ZNF385D: variants seen among roughly 807,000 people sequenced by gnomAD.
ZNF385D encodes the protein zinc finger protein 385D, also known as zinc finger protein 659.
A neutral mutation model predicts 35.8 loss-of-function variants in ZNF385D; 15 were observed. That is an observed-to-expected ratio of 0.42 (90% CI 0.28 to 0.64). ZNF385D has a LOEUF of 0.64. Among genes scored for constraint, ZNF385D ranks in the 30% least tolerant of loss-of-function variants. ZNF385D has a pLI of 0.23. For missense variants in ZNF385D, 474 were observed against 494.6 expected (o/e 0.96, Z 0.39); for synonymous variants, 212 against 186.8 (o/e 1.13, Z -1.10).
At chr3:21,657,319 G>C (rs572751052) in intron 2 of ZNF385D, among the ~76,000 whole-genome samples, 1 of 151,914 alleles carries the variant, frequency 6.6e-6, no homozygotes, top group African/African-American at 2.4e-5. Context: ...ATATTCATGC[G>C]TTGTGCATTT....
chr3:22,097,805 T>C (rs1701711505), intron 3 of ZNF385D, among the ~76,000 whole-genome samples: 2 of 152,042 alleles, frequency 1.3e-5, no homozygotes, highest in Non-Finnish European at 2.9e-5. Flanking sequence ...AGGAACCACA[T>C]TTCTGTCTAG....
In ZNF385D at chr3:22,081,743, G is replaced by C. The variant is rs559777887; in HGVS notation, c.325+87074C>G. Among the ~76,000 whole-genome samples, 3 of 152,270 alleles carry C rather than the reference G, an allele frequency of 2.0e-5. No homozygotes were observed. The East Asian group carries it at 5.8e-4, about 29-fold the overall frequency. On this transcript the variant is annotated intron_variant, in intron 3 of 5. Transcript: ENST00000494108. ...AAAATGGCAGAGTAGTTATGACAAA[G>C]ACTCTATTGCCCCAAAACGCTAAAA... is the stretch of plus-strand genomic sequence containing the variant.
intron 4 of ZNF385D, among the ~76,000 whole-genome samples, chr3:21,444,717 A>G (rs1257239531): frequency 6.6e-6 from 1 of 152,180 alleles, no homozygotes; most frequent in Non-Finnish European, 1.5e-5. Context: ...AAGATCAATT[A>G]GCTTCATAGG....
At chr3:22,299,072 A>T (rs537298394) in intron 2 of ZNF385D, among the ~76,000 whole-genome samples, 2 of 152,090 alleles carry the variant, frequency 1.3e-5, no homozygotes, top group African/African-American at 4.8e-5. Context: ...TGTCAGGAGA[A>T]TGCCAATAAT....
At chr3:22,025,076 G>A (rs967138194) in intron 3 of ZNF385D, among the ~76,000 whole-genome samples, 7 of 152,124 alleles carry the variant, frequency 4.6e-5, no homozygotes, top group African/African-American at 1.4e-4. Context: ...AACTTGGAAT[G>A]GGGACATGTG....
At chr3:21,841,818 G>A (rs1306008638) in intron 3 of ZNF385D, among the ~76,000 whole-genome samples, 1 of 151,536 alleles carries the variant, frequency 6.6e-6, no homozygotes, top group Admixed American at 6.6e-5. Flanking sequence ...TTTTAAGTTT[G>A]TAAATTCGCA....
intron 1 of ZNF385D, among the ~76,000 whole-genome samples, chr3:21,675,351 A>G (rs1433542566): frequency 6.6e-6 from 1 of 152,036 alleles, no homozygotes; most frequent in African/African-American, 2.4e-5. Flanking sequence ...CATAAAAGCA[A>G]TATTATTTCT....
intron 2 of ZNF385D, among the ~76,000 whole-genome samples, chr3:22,307,193 C>A (rs1703273249): frequency 1.3e-5 from 2 of 152,014 alleles, no homozygotes; most frequent in Admixed American, 6.6e-5. Flanking sequence ...CTCAGAAAAG[C>A]CCTGGTGGGG....
intron 3 of ZNF385D, among the ~76,000 whole-genome samples, chr3:21,968,470 C>T (rs1576034964): frequency 6.6e-6 from 1 of 152,082 alleles, no homozygotes; most frequent in East Asian, 1.9e-4. Flanking sequence ...CTCCCCCAGC[C>T]CCAGGCAGAA....
At chr3:21,603,281 A>AGAT (rs1190149020) in intron 2 of ZNF385D, among the ~76,000 whole-genome samples, 24 of 152,244 alleles carry the variant, frequency 1.6e-4, no homozygotes, top group Non-Finnish European at 2.8e-4. Context: ...TAATGCTGGA[A>AGAT]GATATGCACA....
intron 2 of ZNF385D, among the ~76,000 whole-genome samples, chr3:21,647,823 T>C (rs932741827): frequency 2.6e-5 from 4 of 152,214 alleles, no homozygotes. Context: ...ATGTCATCTA[T>C]TACCTGTTTT....
chr3:22,203,498 C>T lies in ZNF385D; in HGVS notation c.107-34463G>A, dbSNP rs558417009. Reference sequence around the variant, plus strand: ...GAGGAAAGAATAAAAGGAACTTTGTCTTATAGCTTAGGTACCAGCTCAGCC... The same window carrying T: ...GAGGAAAGAATAAAAGGAACTTTGTTTTATAGCTTAGGTACCAGCTCAGCC... On this transcript the variant is annotated intron_variant, in intron 2 of 5. Transcript: ENST00000494108. Among the ~76,000 whole-genome samples the T allele has an allele frequency of 1.5e-3, 229 of 152,240 alleles. 1 individual carries two copies. Among genetic ancestry groups the T allele is most frequent in the Non-Finnish European group, 2.5e-3 (172 of 68,006 alleles).
intron 3 of ZNF385D, among the ~76,000 whole-genome samples, chr3:21,514,068 A>C (rs889055110): frequency 5.9e-5 from 9 of 152,138 alleles, no homozygotes; most frequent in African/African-American, 2.2e-4. Flanking sequence ...TTTTTAAAGC[A>C]TCAGTTGGCC....
At chr3:21,758,584 G>A (rs911695721) in intron 3 of ZNF385D, among the ~76,000 whole-genome samples, 1 of 152,072 alleles carries the variant, frequency 6.6e-6, no homozygotes, top group Non-Finnish European at 1.5e-5. Context: ...CAGGCAGAAA[G>A]TGATTCAGGG....
chr3:21,945,816 G>C (rs1435782947), intron 3 of ZNF385D, among the ~76,000 whole-genome samples: 1 of 150,972 alleles, frequency 6.6e-6, no homozygotes, highest in African/African-American at 2.5e-5. Context: ...GACATATGAA[G>C]CTGATGAACT....
intron 3 of ZNF385D, among the ~76,000 whole-genome samples, chr3:21,769,478 C>T (rs1188931889): frequency 7.8e-6 from 1 of 128,178 alleles, no homozygotes; most frequent in African/African-American, 3.2e-5. Context: ...AGTGAACTCC[C>T]ATTCACAATT....
intron 2 of ZNF385D, among the ~76,000 whole-genome samples, chr3:22,180,849 A>T (rs1695197610): frequency 6.6e-6 from 1 of 151,420 alleles, no homozygotes; most frequent in African/African-American, 2.4e-5. Flanking sequence ...TTTTAACAGT[A>T]AGGCTAAGAG....
intron 2 of ZNF385D, among the ~76,000 whole-genome samples, chr3:22,249,444 A>G (rs1434061044): frequency 1.3e-5 from 2 of 152,096 alleles, no homozygotes; most frequent in Non-Finnish European, 2.9e-5. Context: ...TTCAACTAAC[A>G]TTTTACAACC....
At chr3:21,975,702 AATATATATATATAT>A (rs56303677) in intron 3 of ZNF385D, among the ~76,000 whole-genome samples, 128 of 124,062 alleles carry the variant, frequency 1.0e-3, no homozygotes, top group East Asian at 4.1e-3. Flanking sequence ...GTACCCACGA[AATATATATATATAT>A]ATATATATAT....
Sources: allele counts gnomAD v4.1 joint callset (sites outside exome capture counted in the v4.1 genomes callset), GRCh38; gene constraint gnomAD v4.1.1; transcripts MANE v1.5; gene names NCBI Gene and HGNC (gene_info 2026-07-23, HGNC 2026-07-21).